Variants in DPYD observed in about 807,000 individuals in gnomAD.
DPYD encodes dihydropyrimidine dehydrogenase [NADP(+)].
A neutral mutation model predicts 116.2 loss-of-function variants in DPYD; 109 were observed. That is an observed-to-expected ratio of 0.94 (90% CI 0.80 to 1.10). The LOEUF (loss-of-function observed/expected upper bound fraction) is 1.10. Among genes scored for constraint, DPYD ranks in the 50% least tolerant of loss-of-function variants. DPYD has a pLI of 0.00. For synonymous variants in DPYD, 440 were observed against 432.0 expected (o/e 1.02, Z -0.23); for missense variants, 1,302 against 1,254.5 (o/e 1.04, Z -0.57).
At chr1:97,297,939 A>G (rs1316252182) in intron 18 of DPYD, among the ~76,000 whole-genome samples, 1 of 152,122 alleles carries the variant, frequency 6.6e-6, no homozygotes, top group Non-Finnish European at 1.5e-5. Flanking sequence ...TTGCATAAAC[A>G]ATGGTTTCCA....
chr1:97,146,038 A>C (rs1308514130), intron 20 of DPYD, among the ~76,000 whole-genome samples: 1 of 152,138 alleles, frequency 6.6e-6, no homozygotes, highest in Non-Finnish European at 1.5e-5. Context: ...CTTATGTTTT[A>C]TCCTTTTCTA....
At chr1:97,901,234 T>C (rs1345992157) in intron 1 of DPYD, among the ~76,000 whole-genome samples, 2 of 151,866 alleles carry the variant, frequency 1.3e-5, no homozygotes, top group Non-Finnish European at 2.9e-5. Flanking sequence ...TGGACTGTTA[T>C]TCACTACTCT....
chr1:97,579,320 A>G (rs1010833538), intron 10 of DPYD, among the ~76,000 whole-genome samples: 6 of 152,230 alleles, frequency 3.9e-5, no homozygotes, highest in African/African-American at 1.4e-4. Flanking sequence ...GAAAATCTGA[A>G]GAACATTCAA....
chr1:97,555,518 T>A (rs1651629684), intron 11 of DPYD, among the ~76,000 whole-genome samples: 1 of 152,108 alleles, frequency 6.6e-6, no homozygotes, highest in Non-Finnish European at 1.5e-5. Context: ...GTGACCTTAC[T>A]CTTTCATTTC....
chr1:97,431,615 T>A (rs1675181437), intron 14 of DPYD, among the ~76,000 whole-genome samples: 1 of 152,168 alleles, frequency 6.6e-6, no homozygotes, highest in Non-Finnish European at 1.5e-5. Flanking sequence ...GTACCTATGA[T>A]ATTTTGATAC....
chr1:97,431,684 T>C (rs142620527), intron 14 of DPYD, among the ~76,000 whole-genome samples: 2,586 of 152,260 alleles, frequency 0.017, 38 homozygotes, highest in Non-Finnish European at 0.026. Context: ...ACCTCAAACA[T>C]TTATCATTTC....
chr1:97,458,976 T>C (rs752307152), intron 13 of DPYD, among the ~76,000 whole-genome samples: 1 of 152,026 alleles, frequency 6.6e-6, no homozygotes, highest in African/African-American at 2.4e-5. Flanking sequence ...AAAGATATCA[T>C]AGGTGGGAGC....
chr1:97,436,204 A>C (rs1188432315), intron 14 of DPYD, among the ~76,000 whole-genome samples: 3 of 151,970 alleles, frequency 2.0e-5, no homozygotes, highest in Non-Finnish European at 2.9e-5. Flanking sequence ...ATTGTTATGA[A>C]ATAGTACCAA....
chr1:97,775,997 A>G (rs1285797071), intron 3 of DPYD, among the ~76,000 whole-genome samples: 2 of 152,252 alleles, frequency 1.3e-5, no homozygotes, highest in East Asian at 3.9e-4. Context: ...TGTATAGGCT[A>G]CATGTGATGT....
intron 8 of DPYD, among the ~76,000 whole-genome samples, chr1:97,619,712 T>G (rs910235610): frequency 2.0e-5 from 3 of 152,206 alleles, no homozygotes; most frequent in Non-Finnish European, 2.9e-5. Flanking sequence ...TGGTATCTTT[T>G]GTGATTTTAC....
intron 20 of DPYD, among the ~76,000 whole-genome samples, chr1:97,162,926 A>G (rs1177425765): frequency 6.6e-6 from 1 of 151,964 alleles, no homozygotes; most frequent in Non-Finnish European, 1.5e-5. Context: ...CTGGCTAGCC[A>G]TATGTAGAAA....
At chr1:97,361,418 A>C (rs563190929) in intron 16 of DPYD, among the ~76,000 whole-genome samples, 206 of 152,352 alleles carry the variant, frequency 1.4e-3, no homozygotes, top group Non-Finnish European at 2.1e-3. Context: ...TATTCCAATC[A>C]ATAGAAAATG....
chr1:97,153,840 A>C (rs1208182240), intron 20 of DPYD, among the ~76,000 whole-genome samples: 1 of 152,124 alleles, frequency 6.6e-6, no homozygotes, highest in Non-Finnish European at 1.5e-5. Flanking sequence ...TGGGCTAAGG[A>C]CATGAAAAGA....
intron 8 of DPYD, among the ~76,000 whole-genome samples, chr1:97,603,774 A>T (rs980000719): frequency 2.0e-5 from 3 of 152,140 alleles, no homozygotes; most frequent in Non-Finnish European, 4.4e-5. Context: ...CTAGCAAATT[A>T]TACAATCATA....
At chr1:97,121,716 GAATTA>G (rs1652442400) in intron 20 of DPYD, among the ~76,000 whole-genome samples, 1 of 152,136 alleles carries the variant, frequency 6.6e-6, no homozygotes, top group Non-Finnish European at 1.5e-5. Context: ...CCAGGGTAAG[GAATTA>G]GCCCAAAGGT....
At chr1:97,425,005 T>C (rs1249962984) in intron 14 of DPYD, among the ~76,000 whole-genome samples, 1 of 152,060 alleles carries the variant, frequency 6.6e-6, no homozygotes, top group African/African-American at 2.4e-5. Flanking sequence ...ATCACATCAA[T>C]TTCATATAAA....
intron 13 of DPYD, among the ~76,000 whole-genome samples, chr1:97,484,289 G>T (rs1397750926): frequency 6.6e-6 from 1 of 152,200 alleles, no homozygotes; most frequent in African/African-American, 2.4e-5. Flanking sequence ...GGGTGACAGA[G>T]CAAGACTCCA....
intron 16 of DPYD, among the ~76,000 whole-genome samples, chr1:97,353,307 T>C (rs558920962): frequency 2.0e-5 from 3 of 152,078 alleles, no homozygotes; most frequent in Non-Finnish European, 4.4e-5. Flanking sequence ...CTACCATTTG[T>C]AGAGGGGCAG....
intron 14 of DPYD, among the ~76,000 whole-genome samples, chr1:97,427,242 CA>C (rs1224977610): frequency 2.0e-5 from 3 of 151,962 alleles, no homozygotes; most frequent in African/African-American, 7.2e-5. Context: ...TACTATCCAT[CA>C]AAAGGTAAGT....
Sources: gnomAD v4.1 joint callset for allele counts (sites outside exome capture counted in the v4.1 genomes callset) on GRCh38, gnomAD v4.1.1 for gene constraint, MANE v1.5 for transcripts, NCBI Gene and HGNC (gene_info 2026-07-23, HGNC 2026-07-21) for gene names.